MORF4L1: variants seen among roughly 807,000 people sequenced by gnomAD.
The protein encoded by MORF4L1 is mortality factor 4-like protein 1.
MORF4L1 carries 4 observed loss-of-function variants against 52.9 expected under a neutral mutation model. The ratio of observed to expected loss-of-function variants is 0.08; its 90% CI spans 0.04 to 0.17. MORF4L1 has a LOEUF of 0.17. Among genes scored for constraint, MORF4L1 ranks in the 10% least tolerant of loss-of-function variants. MORF4L1 has a pLI of 1.00. For synonymous variants in MORF4L1, 123 were observed against 134.8 expected (o/e 0.91, Z 0.61); for missense variants, 214 against 390.4 (o/e 0.55, Z 3.81).
In MORF4L1 at chr15:78,893,523, A is replaced by AT. The variant is rs1429775209; in HGVS notation, c.541-11dup. 1 of 1,559,368 alleles carries AT rather than the reference A, an allele frequency of 6.4e-7. No individual in the cohort carries two copies. Among genetic ancestry groups the AT allele is most frequent in the Admixed American group, 1.7e-5 (1 of 59,412 alleles). ...AAAGAGAGTGCTTATATTTAAGCAT[A>AT]TTTTTGTCTTCATAGCTCTTTTATC... On this transcript the variant is annotated splice_polypyrimidine_tract_variant and intron_variant, in intron 8 of 11. Coordinates refer to ENST00000426013, the MANE Select transcript of MORF4L1 (RefSeq NM_006791.4).
In MORF4L1 at chr15:78,879,342, C is replaced by G. The variant is rs541555157; in HGVS notation, c.87+1083C>G. On this transcript the variant is annotated intron_variant, in intron 2 of 11. Transcript: ENST00000426013. ...GTTGAAGCAATTCTCCTGCCTCAGC[C>G]TCCCGAGTAGCTGGGATTACAGGCA... 7.9e-5 allele frequency among the ~76,000 whole-genome samples: 12 copies of G among 152,264 alleles called. No individual in the cohort carries two copies. In the East Asian group the frequency reaches 2.1e-3, roughly 27 times the overall value.
chr15:78,895,341 G>A (rs1183300955), intron 11 of MORF4L1, among the ~76,000 whole-genome samples: 1 of 152,162 alleles, frequency 6.6e-6, no homozygotes, highest in Non-Finnish European at 1.5e-5. Context: ...ACAAACCAGT[G>A]AAAAGTAGGA....
rs1191164535 is a variant in MORF4L1, at chr15:78,872,900, C to T, written c.-118C>T. On this transcript the variant is annotated 5_prime_UTR_variant, in exon 1 of 12. Transcript: ENST00000426013. ...TCTGCGGGCGCTGGCAAATCCGGCC[C>T]AGGATGTAGAGCTGGCAGTGCCTGA... 8.2e-6 allele frequency: 12 copies of T among 1,460,628 alleles called. No homozygotes were observed. In the African/African-American group the frequency reaches 1.8e-4, roughly 22 times the overall value. The allele number at this position is 1,460,628 out of a possible 1,614,324, so 90.5% of individuals were successfully genotyped here.
intron 1 of MORF4L1, among the ~76,000 whole-genome samples, chr15:78,876,333 A>G (rs989551556): frequency 1.3e-5 from 2 of 151,530 alleles, no homozygotes; most frequent in African/African-American, 2.4e-5. Context: ...ATGGCGTGCA[A>G]TATATGTTGT....
At chr15:78,894,440 T>TCTCA (rs35944659) in intron 10 of MORF4L1, 202,685 of 385,252 alleles carry the variant, frequency 0.53, 58,985 homozygotes, top group East Asian at 0.92. Flanking sequence ...AGACAGACAG[T>TCTCA]CTCTGTTGCC....
intron 3 of MORF4L1, among the ~76,000 whole-genome samples, chr15:78,883,664 A>G (rs1417593767): frequency 5.3e-5 from 8 of 152,222 alleles, no homozygotes; most frequent in Admixed American, 5.2e-4. Flanking sequence ...ATTTGTTACT[A>G]TCTTTGTAGA....
chr15:78,897,536 T>C lies in MORF4L1; in HGVS notation c.*469T>C, dbSNP rs2056911762. The C allele has an allele frequency of 6.5e-6, 1 of 153,562 alleles. No individual in the cohort carries two copies. Among genetic ancestry groups the C allele is most frequent in the Non-Finnish European group, 1.5e-5 (1 of 68,636 alleles). 9.5% of individuals were successfully genotyped at this position (153,562 alleles called of 1,614,324 possible). A position where few individuals can be genotyped will look rare whatever the true frequency, so the allele number is the denominator to read the frequency against. On this transcript the variant is annotated 3_prime_UTR_variant, in exon 12 of 12. Transcript: ENST00000426013. ...TAAAGAGCCCATCCTTTGCAAGTCA[T>C]CCATGTTGTTACTTAGGCATTTTAT...
At chr15:78,874,735 G>A (rs184755430) in intron 1 of MORF4L1, among the ~76,000 whole-genome samples, 140 of 151,032 alleles carry the variant, frequency 9.3e-4, no homozygotes, top group African/African-American at 3.2e-3. Context: ...TCGGCCGTGT[G>A]ACTTTTAATA....
chr15:78,887,210 A>C, intron 4 of MORF4L1, 59 bp from the exon 5 acceptor site: 1 of 1,453,684 alleles, frequency 6.9e-7, no homozygotes, highest in Non-Finnish European at 9.4e-7. Flanking sequence ...TCAGGCTGAC[A>C]ATTTTTTTTT....
intron 2 of MORF4L1, among the ~76,000 whole-genome samples, chr15:78,879,195 A>ACT (rs371479414): frequency 6.6e-6 from 1 of 151,550 alleles, no homozygotes; most frequent in Non-Finnish European, 1.5e-5. Flanking sequence ...ACCAAGCGAG[A>ACT]CTCTCTCTCT....
chr15:78,892,373 A>G lies in MORF4L1; in HGVS notation c.540+60A>G, dbSNP rs2056815968. On this transcript the variant is annotated intron_variant, in intron 8 of 11. Coordinates refer to ENST00000426013, the MANE Select transcript of MORF4L1 (RefSeq NM_006791.4). ...ATGATACATTCTTGCTAGCAAAAAA[A>G]GTTTTTAAAGGAAAATGTTATATTG... is the stretch of plus-strand genomic sequence containing the variant. 10 of 1,202,372 alleles carry G rather than the reference A, an allele frequency of 8.3e-6. No individual in the cohort carries two copies. In the Middle Eastern group the frequency reaches 5.9e-4, roughly 70 times the overall value. The allele number at this position is 1,202,372 out of a possible 1,614,324, so 74.5% of individuals were successfully genotyped here.
chr15:78,895,408 T>C (rs1461412500), intron 11 of MORF4L1, among the ~76,000 whole-genome samples: 1 of 152,144 alleles, frequency 6.6e-6, no homozygotes, highest in Non-Finnish European at 1.5e-5. Context: ...TCAGAAATAA[T>C]GATGAAAGTA....
intron 5 of MORF4L1, among the ~76,000 whole-genome samples, chr15:78,888,468 T>C (rs1379714463): frequency 1.3e-5 from 2 of 151,878 alleles, no homozygotes; most frequent in Non-Finnish European, 2.9e-5. Context: ...AAAAAGTTGA[T>C]GTACCTGAAA....
chr15:78,892,187 T>G, intron 7 of MORF4L1, 25 bp from the exon 8 acceptor site: 1 of 1,551,272 alleles, frequency 6.4e-7, no homozygotes, highest in Non-Finnish European at 8.9e-7. Flanking sequence ...GTTAGGTTTT[T>G]AATACTCCTC....
At chr15:78,885,010 CATGAGGATATT>C in intron 3 of MORF4L1, 2 of 1,614,162 alleles carry the variant, frequency 1.2e-6, no homozygotes, top group Middle Eastern at 1.6e-4. Flanking sequence ...TTTGAAGACA[CATGAGGATATT>C]GTAGCCCTTT....
intron 3 of MORF4L1, among the ~76,000 whole-genome samples, chr15:78,882,662 A>T (rs1385756784): frequency 1.3e-5 from 2 of 152,188 alleles, no homozygotes; most frequent in African/African-American, 2.4e-5. Flanking sequence ...TCTCTACAGG[A>T]AAGATAACAT....
chr15:78,885,483 A>G (rs532704252), intron 3 of MORF4L1, among the ~76,000 whole-genome samples: 1 of 152,320 alleles, frequency 6.6e-6, no homozygotes, highest in East Asian at 1.9e-4. Flanking sequence ...CTTGAAAGTT[A>G]TTAGTGTGTA....
At chr15:78,880,821 A>G (rs903573479) in intron 3 of MORF4L1, among the ~76,000 whole-genome samples, 2 of 150,854 alleles carry the variant, frequency 1.3e-5, no homozygotes, top group Non-Finnish European at 2.9e-5. Flanking sequence ...TCTATTAGTC[A>G]TATAGTCAAT....
intron 11 of MORF4L1, among the ~76,000 whole-genome samples, chr15:78,896,480 TTG>T (rs2056892144): frequency 6.6e-6 from 1 of 151,970 alleles, no homozygotes; most frequent in Admixed American, 6.6e-5. Context: ...CCAGCTAATT[TTG>T]TGTCTTTAGT....
Sources: gnomAD v4.1 joint callset for allele counts (sites outside exome capture counted in the v4.1 genomes callset) on GRCh38, gnomAD v4.1.1 for gene constraint, MANE v1.5 for transcripts, NCBI Gene and HGNC (gene_info 2026-07-23, HGNC 2026-07-21) for gene names.